The following CERS5 variants were observed in gnomAD, a reference collection of about 807,000 sequenced individuals.
CERS5 encodes LAG1 homolog, ceramide synthase 5.
Under a neutral mutation model 58.9 loss-of-function variants are expected in CERS5, and 37 were observed. The observed-to-expected ratio is 0.63, with a 90% CI of 0.48 to 0.83. CERS5 has a LOEUF of 0.83. CERS5 is among the 40% of genes least tolerant of loss of function. The probability of loss-of-function intolerance (pLI) is 0.00; values close to 1 mark genes in which losing one functional copy is unlikely to be tolerated. For synonymous variants in CERS5, 147 were observed against 177.8 expected, an observed-to-expected ratio of 0.83 and a Z score of 1.38; for missense variants, 398 against 489.3, an observed-to-expected ratio of 0.81 and a Z score of 1.76.
intron 4 of CERS5, among the ~76,000 whole-genome samples, chr12:50,139,143 A>G (rs774632555): frequency 6.6e-6 from 1 of 152,156 alleles, no homozygotes; most frequent in Non-Finnish European, 1.5e-5. Context: ...GAGTTGGTCA[A>G]TTTTAATCAA....
At chr12:50,133,166 A>T in intron 9 of CERS5, 1 of 1,221,724 alleles carries the variant, frequency 8.2e-7, no homozygotes, top group Non-Finnish European at 1.0e-6. Context: ...AGCTATAAGG[A>T]ATAATGATGC....
rs560580965 is a variant in CERS5 at position 50,140,144 on chromosome 12, A to G, written c.493-1527T>C. ...TTGTAATATAAACATTTAAAGCTAT[A>G]AATTTCCCTCTAAGTATGTTTTATC... On this transcript the variant is annotated intron_variant, in intron 4 of 9. Coordinates refer to ENST00000317551, the MANE Select transcript of CERS5 (RefSeq NM_147190.5). Among the ~76,000 whole-genome samples the G allele has an allele frequency of 1.4e-4, 21 of 152,266 alleles. No homozygotes were observed. In the South Asian group the frequency reaches 4.1e-3, roughly 30 times the overall value.
chr12:50,150,959 C>CA (rs1172117545), intron 1 of CERS5, among the ~76,000 whole-genome samples: 1 of 152,166 alleles, frequency 6.6e-6, no homozygotes, highest in Non-Finnish European at 1.5e-5. Context: ...CATCTAAAAC[C>CA]AATCTCCCTG....
At chr12:50,134,975 A>G in intron 8 of CERS5, 1 of 464,512 alleles carries the variant, frequency 2.2e-6, no homozygotes, top group Non-Finnish European at 3.8e-6. Flanking sequence ...GTTTCACGAA[A>G]TTAGGACAGC....
chr12:50,148,743 C>T (rs371923366), intron 1 of CERS5, among the ~76,000 whole-genome samples: 1 of 151,084 alleles, frequency 6.6e-6, no homozygotes, highest in East Asian at 2.0e-4. Context: ...ACTAAAAATA[C>T]AACAACAAAA....
At chr12:50,156,025 G>A (rs1174234481) in intron 1 of CERS5, among the ~76,000 whole-genome samples, 1 of 149,322 alleles carries the variant, frequency 6.7e-6, no homozygotes, top group African/African-American at 2.5e-5. Context: ...GCTTAAACCT[G>A]GGAAGCAGAG....
intron 1 of CERS5, among the ~76,000 whole-genome samples, chr12:50,162,184 C>CTTT (rs75460499): frequency 0.031 from 3,996 of 129,052 alleles, 202 homozygotes; most frequent in African/African-American, 0.097. Flanking sequence ...CTGATTTGTT[C>CTTT]TTTTTTTTTT....
intron 5 of CERS5, 95 bp from the exon 6 acceptor site, chr12:50,137,915 T>C: frequency 1.3e-6 from 1 of 747,190 alleles, no homozygotes; most frequent in Non-Finnish European, 2.3e-6. Flanking sequence ...ATACCCCAAA[T>C]TATTAGACAT....
chr12:50,150,844 T>C (rs760405625), intron 1 of CERS5, among the ~76,000 whole-genome samples: 4 of 152,070 alleles, frequency 2.6e-5, no homozygotes, highest in Admixed American at 6.6e-5. Flanking sequence ...GTTAAAGATA[T>C]AGGAGGAAAG....
rs185497796 is a variant in CERS5 at position 50,152,835 on chromosome 12, G to C, written c.198-8778C>G. Among the ~76,000 whole-genome samples the C allele has an allele frequency of 6.3e-3, 945 of 150,880 alleles. 6 individuals carry two copies. The highest frequency in any genetic ancestry group is 0.01 in the Non-Finnish European group (695 of 67,652). On this transcript the variant is annotated intron_variant, in intron 1 of 9. Transcript: ENST00000317551. The stretch of plus-strand genomic sequence containing the variant: ...CTGTAATCCCAGCACTTTGGGAGGC[G>C]GAGGCGGGCGGATCACCTGAGGTCA...
intron 1 of CERS5, chr12:50,148,486 G>A (rs966291611): frequency 1.7e-5 from 5 of 294,036 alleles, no homozygotes; most frequent in African/African-American, 9.1e-5. Flanking sequence ...AGTCCCAGCT[G>A]CTCAGGAGGC....
chr12:50,155,154 G>A (rs918870990), intron 1 of CERS5, among the ~76,000 whole-genome samples: 4 of 151,966 alleles, frequency 2.6e-5, no homozygotes, highest in South Asian at 2.1e-4. Context: ...CATCGTGCCC[G>A]GTCAGCATTT....
In CERS5 at chr12:50,156,420, CTA is replaced by C. The variant is rs55762917; in HGVS notation, c.197+10679_197+10680del. Among the ~76,000 whole-genome samples the C allele has an allele frequency of 1.9e-4, 15 of 77,288 alleles. 1 individual carries two copies. Among genetic ancestry groups the C allele is most frequent in the Admixed American group, 4.3e-4 (3 of 6,948 alleles). 50.7% of individuals were successfully genotyped at this position (77,288 alleles called of 152,430 possible). ...CTCTGTCTCAAAACAAACAAACAAA[CTA>C]TATATATATATATATAAAACAATTA... On this transcript the variant is annotated intron_variant, in intron 1 of 9. Transcript: ENST00000317551.
At chr12:50,135,207 GA>G (rs1951593374) in intron 8 of CERS5, among the ~76,000 whole-genome samples, 3 of 63,548 alleles carry the variant, frequency 4.7e-5, no homozygotes, top group South Asian at 7.7e-4. Context: ...AGAGAGAGAG[GA>G]GAGGGAGGGA....
chr12:50,159,525 T>C (rs1939037010), intron 1 of CERS5, among the ~76,000 whole-genome samples: 1 of 152,220 alleles, frequency 6.6e-6, no homozygotes, highest in Admixed American at 6.5e-5. Context: ...TCAATTATTA[T>C]TAATATTGTC....
intron 8 of CERS5, chr12:50,135,308 AGTGTGTGTGTGTGTGTGTGT>A (rs56858635): frequency 3.0e-5 from 5 of 168,928 alleles, no homozygotes; most frequent in Middle Eastern, 2.4e-3. Flanking sequence ...GAGAGAGAGG[AGTGTGTGTGTGTGTGTGTGT>A]GTGTGTGTGT....
rs1288622757 is a variant in CERS5, at chr12:50,148,942, ATATATG to A, written c.198-4891_198-4886del. ...AAAAAAAAAAAATATATATATATAT[ATATATG>A]TGTGTGTGTGTGTGTGTGTGTGCGT... On this transcript the variant is annotated intron_variant, in intron 1 of 9. Transcript: ENST00000317551. Among the ~76,000 whole-genome samples the A allele has an allele frequency of 4.6e-3, 604 of 129,998 alleles. 2 individuals are homozygous for A. Among genetic ancestry groups the A allele is most frequent in the South Asian group, 0.015 (63 of 4,186 alleles). 85.3% of individuals were successfully genotyped at this position (129,998 alleles called of 152,430 possible).
At position 50,143,056 on chromosome 12, in the gene CERS5, C is replaced by A; in HGVS notation, c.434+18G>T. On this transcript the variant is annotated intron_variant, in intron 3 of 9. Transcript: ENST00000317551. ...CCACCGTCTTCCTTATTCCCTCCCT[C>A]CCTCCTTGCGTACTTACATGCTTTC... is the stretch of plus-strand genomic sequence containing the variant. 1 of 1,588,094 alleles carries A rather than the reference C, an allele frequency of 6.3e-7. No homozygotes were observed. Among genetic ancestry groups the A allele is most frequent in the South Asian group, 1.1e-5 (1 of 87,772 alleles).
intron 1 of CERS5, among the ~76,000 whole-genome samples, chr12:50,146,142 TAGAC>T (rs1952255361): frequency 6.6e-6 from 1 of 152,168 alleles, no homozygotes; most frequent in Non-Finnish European, 1.5e-5. Context: ...GATCTGCAGT[TAGAC>T]AGATTTTACC....
Sources: gnomAD v4.1 joint callset for allele counts (sites outside exome capture counted in the v4.1 genomes callset) on GRCh38, gnomAD v4.1.1 for gene constraint, MANE v1.5 for transcripts, NCBI Gene and HGNC (gene_info 2026-07-23, HGNC 2026-07-21) for gene names.